The following COPG2 variants were observed in gnomAD, a reference collection of about 807,000 sequenced individuals.
COPG2 encodes coatomer subunit gamma-2.
A neutral mutation model predicts 46.3 loss-of-function variants in COPG2; 37 were observed. That is an observed-to-expected ratio of 0.80 (90% CI 0.61 to 1.05). The LOEUF (loss-of-function observed/expected upper bound fraction) is 1.05, where lower values mean the gene tolerates loss of function less well. Ranked by LOEUF, COPG2 falls within the 50% of genes least tolerant of loss-of-function variation. COPG2 has a pLI of 0.00. For missense variants in COPG2, 427 were observed against 387.8 expected (o/e 1.10, Z -0.85); for synonymous variants, 159 against 129.7 (o/e 1.23, Z -1.53).
chr7:130,665,933 C>T (rs1291119663), intron 3 of COPG2, among the ~76,000 whole-genome samples: 2 of 151,998 alleles, frequency 1.3e-5, no homozygotes, highest in African/African-American at 4.8e-5. Context: ...GGTTTGTCTG[C>T]TATATCCCCA....
intron 20 of COPG2, among the ~76,000 whole-genome samples, chr7:130,524,425 A>G (rs1799755259): frequency 6.6e-6 from 1 of 152,170 alleles, no homozygotes; most frequent in East Asian, 1.9e-4. Flanking sequence ...CCTGCGCCCC[A>G]GGGGCTGACT....
At chr7:130,544,080 A>G (rs1793389912) in intron 20 of COPG2, among the ~76,000 whole-genome samples, 1 of 152,194 alleles carries the variant, frequency 6.6e-6, no homozygotes, top group Non-Finnish European at 1.5e-5. Flanking sequence ...GCTGAATCAA[A>G]TGTTCTACCA....
Position 130,632,871 on chromosome 7 carries a change from TCTC to T in COPG2, c.324-15809_324-15807del, listed in dbSNP as rs1795257377. ...CAACCTGTCATCTACATTAGGTACT[TCTC>T]CTAATGATATCCCTCCTCTAGCCCC... On this transcript the variant is annotated intron_variant, in intron 5 of 23. Coordinates refer to ENST00000425248, the MANE Select transcript of COPG2 (RefSeq NM_012133.6). Among the ~76,000 whole-genome samples, 2 of 152,104 alleles carry T rather than the reference TCTC, an allele frequency of 1.3e-5. 1 individual carries two copies. The highest frequency in any genetic ancestry group is 4.1e-4 in the South Asian group (2 of 4,820).
chr7:130,618,509 T>C (rs1309399918), intron 5 of COPG2, among the ~76,000 whole-genome samples: 12 of 152,356 alleles, frequency 7.9e-5, no homozygotes, highest in Non-Finnish European at 1.0e-4. Flanking sequence ...TTTGATTGCA[T>C]TGTAATGACA....
intron 9 of COPG2, among the ~76,000 whole-genome samples, chr7:130,591,625 C>A (rs536770040): frequency 7.9e-4 from 115 of 146,424 alleles, no homozygotes; most frequent in African/African-American, 2.5e-3. Flanking sequence ...CGCACCCGGC[C>A]AGCCGCCCCG....
chr7:130,636,017 G>A lies in COPG2; in HGVS notation c.323+16852C>T, dbSNP rs1020304572. Among the ~76,000 whole-genome samples the A allele has an allele frequency of 2.0e-5, 3 of 152,296 alleles. 1 individual carries two copies. Among genetic ancestry groups the A allele is most frequent in the African/African-American group, 4.8e-5 (2 of 41,576 alleles). ...GTTTCCATGTAGTTGTATGGTTTGA[G>A]TGAGTTTCTTAATCCTGAATTCTAA... On this transcript the variant is annotated intron_variant, in intron 5 of 23. Transcript: ENST00000425248.
At chr7:130,622,073 G>C (rs972609625) in intron 5 of COPG2, among the ~76,000 whole-genome samples, 1 of 152,008 alleles carries the variant, frequency 6.6e-6, no homozygotes, top group East Asian at 1.9e-4. Flanking sequence ...GCAAAGGCTT[G>C]CATAAAGGTA....
chr7:130,542,505 G>A (rs1793349420), intron 20 of COPG2, among the ~76,000 whole-genome samples: 2 of 152,132 alleles, frequency 1.3e-5, no homozygotes, highest in Non-Finnish European at 2.9e-5. Context: ...TGGCAGTGGT[G>A]TCATCAGTGG....
chr7:130,631,737 A>G (rs1318763581), intron 5 of COPG2, among the ~76,000 whole-genome samples: 19 of 54,616 alleles, frequency 3.5e-4, no homozygotes, highest in Admixed American at 2.8e-3. Context: ...TAAACTCCAT[A>G]CTAAATTCTT....
chr7:130,626,828 T>C (rs577089896), intron 5 of COPG2, among the ~76,000 whole-genome samples: 3 of 152,322 alleles, frequency 2.0e-5, no homozygotes, highest in East Asian at 3.9e-4. Context: ...TGTCCCTTTA[T>C]GTTGTGGTGG....
chr7:130,535,810 T>C (rs1799874335), intron 20 of COPG2, among the ~76,000 whole-genome samples: 1 of 151,806 alleles, frequency 6.6e-6, no homozygotes, highest in Non-Finnish European at 1.5e-5. Context: ...GACAATTACA[T>C]GTTGAGTGTT....
chr7:130,582,416 C>T (rs1352123343), intron 9 of COPG2, among the ~76,000 whole-genome samples: 2 of 150,658 alleles, frequency 1.3e-5, no homozygotes, highest in Non-Finnish European at 3.0e-5. Flanking sequence ...CTAGGCATTA[C>T]CATTCAGGAC....
chr7:130,585,630 AC>A (rs1421535662), intron 9 of COPG2, among the ~76,000 whole-genome samples: 1 of 152,096 alleles, frequency 6.6e-6, no homozygotes, highest in Non-Finnish European at 1.5e-5. Context: ...TAAGAAAAAA[AC>A]AATTCCATCA....
intron 9 of COPG2, among the ~76,000 whole-genome samples, chr7:130,583,307 T>C (rs1371388617): frequency 1.5e-4 from 17 of 111,854 alleles, no homozygotes; most frequent in Non-Finnish European, 2.8e-4. Context: ...TGAGATCACA[T>C]GGACACAGGA....
chr7:130,587,613 C>T (rs1298957077), intron 9 of COPG2, among the ~76,000 whole-genome samples: 2 of 152,092 alleles, frequency 1.3e-5, no homozygotes, highest in East Asian at 1.9e-4. Context: ...AAACTGGATC[C>T]CTTCCTTGCA....
chr7:130,591,045 G>A lies in COPG2; in HGVS notation c.737+19908C>T, dbSNP rs1450263336. Among the ~76,000 whole-genome samples, 36 of 150,642 alleles carry A rather than the reference G, an allele frequency of 2.4e-4. 1 individual carries two copies. The highest frequency in any genetic ancestry group is 2.1e-4 in the South Asian group (1 of 4,720). ...CAGCCACCCCCTCCAGGAGGGAGGT[G>A]GGGGTCAGCCCCCCGCCCGGCCAGC... On this transcript the variant is annotated intron_variant, in intron 9 of 23. Coordinates refer to ENST00000425248, the MANE Select transcript of COPG2 (RefSeq NM_012133.6).
intron 4 of COPG2, among the ~76,000 whole-genome samples, chr7:130,655,732 G>C (rs1554459823): frequency 6.6e-6 from 1 of 152,052 alleles, no homozygotes; most frequent in Non-Finnish European, 1.5e-5. Context: ...ACAATCCTAG[G>C]GCTGACCTAG....
chr7:130,521,162 G>C (rs921069980), intron 20 of COPG2, among the ~76,000 whole-genome samples: 1 of 152,120 alleles, frequency 6.6e-6, no homozygotes, highest in Non-Finnish European at 1.5e-5. Flanking sequence ...TTGAAAAGTC[G>C]AGTCAGGAAG....
chr7:130,567,565 G>A (rs1181967513), intron 9 of COPG2, among the ~76,000 whole-genome samples: 2 of 152,072 alleles, frequency 1.3e-5, no homozygotes, highest in Non-Finnish European at 2.9e-5. Flanking sequence ...TGAGGCACAA[G>A]CATCAGGTAA....
Sources: allele counts gnomAD v4.1 joint callset (sites outside exome capture counted in the v4.1 genomes callset), GRCh38; gene constraint gnomAD v4.1.1; transcripts MANE v1.5; gene names NCBI Gene and HGNC (gene_info 2026-07-23, HGNC 2026-07-21).